The following PTPRN2 variants were observed in gnomAD, a reference collection of about 807,000 sequenced individuals.
The protein encoded by PTPRN2 is protein tyrosine phosphatase receptor type N2, also known as receptor-type tyrosine-protein phosphatase N2.
Under a neutral mutation model 118.8 loss-of-function variants are expected in PTPRN2, and 74 were observed. The observed-to-expected ratio is 0.62, with a 90% confidence interval of 0.52 to 0.76. The LOEUF (loss-of-function observed/expected upper bound fraction) is 0.76. Among genes scored for constraint, PTPRN2 ranks in the 30% least tolerant of loss-of-function variants. PTPRN2 has a pLI of 0.00. For missense variants in PTPRN2, 1,481 were observed against 1,394.4 expected (o/e 1.06, Z -0.99); for synonymous variants, 641 against 608.0 (o/e 1.05, Z -0.80).
rs1367062610 is a variant in PTPRN2, at chr7:157,763,990, A to T, written c.1789-81053T>A. On this transcript the variant is annotated intron_variant, in intron 12 of 22. Coordinates refer to ENST00000389418, the MANE Select transcript of PTPRN2 (RefSeq NM_002847.5). The surrounding 1 kb of genome is among the most constrained non-coding windows in gnomAD (Gnocchi z 4.9). ...CTTCATGATGTCCGTGAACACAGGG[A>T]AGCTTTAGTCGCAGCCACATGAGTG... 6.6e-6 allele frequency among the ~76,000 whole-genome samples: 1 copy of T among 152,236 alleles called. No homozygotes were observed. The highest frequency in any genetic ancestry group is 6.5e-5 in the Admixed American group (1 of 15,290).
rs369174129 is a variant in PTPRN2 at position 157,779,685 on chromosome 7, G to T, written c.1789-96748C>A. On this transcript the variant is annotated intron_variant, in intron 12 of 22. Transcript: ENST00000389418. The surrounding 1 kb of genome is among the most constrained non-coding windows in gnomAD (Gnocchi z 4.7). ...TGGCCAGGACGAGCTGGGGTGAGGG[G>T]CCCCGGCCAGAAGGATGTCCTGATG... Among the ~76,000 whole-genome samples the T allele has an allele frequency of 1.4e-4, 22 of 152,318 alleles. No individual in the cohort carries two copies. Among genetic ancestry groups the T allele is most frequent in the African/African-American group, 5.1e-4 (21 of 41,582 alleles).
chr7:158,262,682 ACACACATT>A (rs895773154), intron 3 of PTPRN2, among the ~76,000 whole-genome samples: 6 of 150,200 alleles, frequency 4.0e-5, no homozygotes, highest in African/African-American at 1.5e-4. Context: ...ATTCACACAT[ACACACATT>A]CACACACACT....
At chr7:158,337,299 G>GACATGCACAGACA (rs1805807700) in intron 2 of PTPRN2, among the ~76,000 whole-genome samples, 1 of 149,266 alleles carries the variant, frequency 6.7e-6, no homozygotes, top group Non-Finnish European at 1.5e-5. Flanking sequence ...CATAAGAGCT[G>GACATGCACAGACA]TCACGCACAG....
chr7:157,657,298 TATACAC>T lies in PTPRN2; in HGVS notation c.2002-753_2002-748del, dbSNP rs1179843029. Reference sequence around the variant, plus strand: ...ACACACACACCACACACATCACACATATACACACACACACCACACACATCACACATA... The same window carrying T: ...ACACACACACCACACACATCACACATACACACACCACACACATCACACATA... On this transcript the variant is annotated intron_variant, in intron 13 of 22. Coordinates refer to ENST00000389418, the MANE Select transcript of PTPRN2 (RefSeq NM_002847.5). 9.2e-5 allele frequency among the ~76,000 whole-genome samples: 3 copies of T among 32,704 alleles called. 1 individual carries two copies. The highest frequency in any genetic ancestry group is 1.9e-4 in the Non-Finnish European group (3 of 15,390). The allele number at this position is 32,704 out of a possible 152,430, so 21.5% of individuals were successfully genotyped here.
At chr7:157,544,908 G>C (rs1043170427) in intron 22 of PTPRN2, among the ~76,000 whole-genome samples, 3 of 149,188 alleles carry the variant, frequency 2.0e-5, no homozygotes, top group Admixed American at 1.3e-4. Flanking sequence ...GTGTGGGTGT[G>C]TGCAGCAGTG....
chr7:158,441,676 A>AGTGGTG (rs1817273009), intron 2 of PTPRN2, among the ~76,000 whole-genome samples: 1 of 73,110 alleles, frequency 1.4e-5, no homozygotes, highest in Admixed American at 1.6e-4. Context: ...GATGGTGATC[A>AGTGGTG]GTGATGGTGG....
intron 6 of PTPRN2, among the ~76,000 whole-genome samples, chr7:158,145,614 C>T (rs899241729): frequency 7.9e-5 from 12 of 152,336 alleles, no homozygotes; most frequent in South Asian, 2.1e-4. Flanking sequence ...TGGCCAGACG[C>T]GGCCAGGCTT....
chr7:158,389,917 C>T (rs984410849), intron 2 of PTPRN2, among the ~76,000 whole-genome samples: 4 of 152,360 alleles, frequency 2.6e-5, no homozygotes, highest in South Asian at 2.1e-4. Context: ...TGGCCCAAGA[C>T]GCGTGGTGAG....
intron 12 of PTPRN2, among the ~76,000 whole-genome samples, chr7:157,718,266 T>G (rs1799030701): frequency 6.6e-6 from 1 of 152,264 alleles, no homozygotes; most frequent in South Asian, 2.1e-4. Context: ...AATAATGACT[T>G]GTAGAAGGAG....
At chr7:157,769,597 T>C (rs575598070) in intron 12 of PTPRN2, among the ~76,000 whole-genome samples, 1 of 152,320 alleles carries the variant, frequency 6.6e-6, no homozygotes, top group South Asian at 2.1e-4. Context: ...GTAGAAGATG[T>C]TGGGCTTGGC....
At position 158,157,216 on chromosome 7, in the gene PTPRN2, C is replaced by T. The variant is rs1821906449; in HGVS notation, c.910+9715G>A. ...GCTCTGGAAGGCCTCCCCCTTGGAG[C>T]CATGGCAGAAGGTGGTGGGAGGAAA... On this transcript the variant is annotated intron_variant, in intron 6 of 22. Transcript: ENST00000389418. Among the ~76,000 whole-genome samples, 4 of 152,360 alleles carry T rather than the reference C, an allele frequency of 2.6e-5. No individual in the cohort carries two copies. In the South Asian group the frequency reaches 8.3e-4, roughly 32 times the overall value.
intron 2 of PTPRN2, among the ~76,000 whole-genome samples, chr7:158,482,852 C>T (rs768605126): frequency 2.6e-5 from 4 of 152,212 alleles, no homozygotes; most frequent in African/African-American, 4.8e-5. Flanking sequence ...TCAGAACACG[C>T]TACCTCAAAA....
intron 6 of PTPRN2, among the ~76,000 whole-genome samples, chr7:158,149,059 A>ACGCCACGTGTC (rs1432696100): frequency 8.0e-6 from 1 of 124,332 alleles, no homozygotes; most frequent in Non-Finnish European, 1.7e-5. Context: ...ACCCCATCTC[A>ACGCCACGTGTC]TGCCACGTGT....
chr7:157,839,525 G>C (rs1054509568), intron 12 of PTPRN2, among the ~76,000 whole-genome samples: 7 of 151,990 alleles, frequency 4.6e-5, no homozygotes, highest in African/African-American at 1.7e-4. Context: ...CTGTGTGTGT[G>C]ACTTTGTATT....
chr7:158,167,229 G>T lies in PTPRN2; in HGVS notation c.612C>A (p.Tyr204Ter). ...GGAGCTGGGTCCGGGACCCGGGAGG[G>T]TAGGTCAGCGCAGACGTGTGGGCCA... ...TYVAHTSALT[Y>*]PPGSRTQLRE... Residue 204 changes from tyrosine (Y) to a stop codon, truncating the protein, a stop_gained, in exon 6 of 23, where the codon TAC becomes TAA. Transcript: ENST00000389418. LOFTEE classifies it high-confidence loss of function. 6.2e-7 allele frequency: 1 copy of T among 1,613,386 alleles called. No homozygotes were observed. Among genetic ancestry groups the T allele is most frequent in the Non-Finnish European group, 8.5e-7 (1 of 1,179,856 alleles).
At chr7:158,318,118 G>A (rs1227249094) in intron 2 of PTPRN2, among the ~76,000 whole-genome samples, 1 of 152,132 alleles carries the variant, frequency 6.6e-6, no homozygotes, top group African/African-American at 2.4e-5. Flanking sequence ...CAAAGGCGGA[G>A]GGCTCTCGGG....
intron 12 of PTPRN2, among the ~76,000 whole-genome samples, chr7:157,896,292 G>A (rs1401421072): frequency 6.6e-6 from 1 of 152,140 alleles, no homozygotes; most frequent in Non-Finnish European, 1.5e-5. Flanking sequence ...TCCAAGCAGG[G>A]AGTGCCTGGA....
At chr7:157,694,535 C>G (rs1448863435) in intron 12 of PTPRN2, among the ~76,000 whole-genome samples, 1 of 152,146 alleles carries the variant, frequency 6.6e-6, no homozygotes, top group East Asian at 1.9e-4. Context: ...ATGAGAAGAA[C>G]GCGTTTGTAT....
intron 11 of PTPRN2, among the ~76,000 whole-genome samples, chr7:158,007,809 G>A (rs1327397167): frequency 1.3e-5 from 2 of 149,542 alleles, no homozygotes; most frequent in African/African-American, 4.9e-5. Context: ...TGTGCTGTAT[G>A]TGTGTGGGTA....
Sources: gnomAD v4.1 joint callset for allele counts (sites outside exome capture counted in the v4.1 genomes callset) on GRCh38, gnomAD v4.1.1 for gene constraint, Gnocchi (gnomAD v3.1) non-coding constraint, MANE v1.5 for transcripts, NCBI Gene and HGNC (gene_info 2026-07-23, HGNC 2026-07-21) for gene names.